SAMD8: variants seen among roughly 807,000 people sequenced by gnomAD.
SAMD8 encodes sphingomyelin synthase-related protein 1.
SAMD8 carries 20 observed loss-of-function variants against 42.0 expected under a neutral mutation model. The observed-to-expected ratio is 0.48, with a 90% CI of 0.34 to 0.69. SAMD8 has a LOEUF of 0.69. Among genes scored for constraint, SAMD8 ranks in the 30% least tolerant of loss-of-function variants. The probability of loss-of-function intolerance (pLI) is 0.01; values close to 1 mark genes in which losing one functional copy is unlikely to be tolerated. For synonymous variants in SAMD8, 162 were observed against 173.0 expected (o/e 0.94, Z 0.50); for missense variants, 328 against 511.6 (o/e 0.64, Z 3.46).
chr10:75,113,196 T>C (rs1848812273), intron 1 of SAMD8, among the ~76,000 whole-genome samples: 1 of 152,198 alleles, frequency 6.6e-6, no homozygotes, highest in African/African-American at 2.4e-5. Flanking sequence ...AGAAAAAGAA[T>C]GATTGCAATA....
chr10:75,105,778 C>A (rs772951962), intron 1 of SAMD8: 5 of 1,551,380 alleles, frequency 3.2e-6, no homozygotes, highest in Admixed American at 2.0e-5. Context: ...CACCGCCTGG[C>A]GCAGGGACAG....
intron 2 of SAMD8, among the ~76,000 whole-genome samples, chr10:75,152,536 GAA>G (rs541773032): frequency 6.9e-5 from 9 of 130,292 alleles, no homozygotes; most frequent in African/African-American, 1.7e-4. Flanking sequence ...AAAAAAAAAA[GAA>G]AAAAAAAAAA....
At chr10:75,108,168 A>T (rs763355981), upstream of SAMD8, 2 of 1,612,200 alleles carry the variant, frequency 1.2e-6, no homozygotes, top group Non-Finnish European at 1.7e-6. Context: ...CACGTGGGTG[A>T]TGCCCAGCTT....
chr10:75,107,035 T>C (rs530997220), upstream of SAMD8, among the ~76,000 whole-genome samples: 1 of 152,284 alleles, frequency 6.6e-6, no homozygotes, highest in Admixed American at 6.5e-5. Context: ...ATTTCTTTTC[T>C]AGTTAAAAGT....
upstream of SAMD8, among the ~76,000 whole-genome samples, chr10:75,110,200 A>C (rs940317781): frequency 6.6e-6 from 1 of 152,198 alleles, no homozygotes; most frequent in Non-Finnish European, 1.5e-5. Context: ...CTTGTATGTC[A>C]AATGGGGAGA....
At chr10:75,147,629 G>C (rs888528766) in intron 1 of SAMD8, among the ~76,000 whole-genome samples, 20 of 152,140 alleles carry the variant, frequency 1.3e-4, no homozygotes, top group African/African-American at 4.6e-4. Context: ...GGCTGGCTTT[G>C]TTTTATGTGA....
intron 4 of SAMD8, 100 bp from the exon 5 acceptor site, chr10:75,175,966 T>G: frequency 6.6e-7 from 1 of 1,524,686 alleles, no homozygotes; most frequent in Non-Finnish European, 8.8e-7. Context: ...TAGATCTTAT[T>G]TCTAAGTTAT....
At chr10:75,148,647 C>A (rs1371585040) in intron 1 of SAMD8, among the ~76,000 whole-genome samples, 1 of 152,164 alleles carries the variant, frequency 6.6e-6, no homozygotes, top group Non-Finnish European at 1.5e-5. Flanking sequence ...GCCACCGCGC[C>A]CGGCCGCAGT....
At chr10:75,124,735 CATGTCTGTCATT>C (rs1849090096) in intron 1 of SAMD8, among the ~76,000 whole-genome samples, 1 of 151,860 alleles carries the variant, frequency 6.6e-6, no homozygotes, top group East Asian at 1.9e-4. Context: ...ATTCTGTCTT[CATGTCTGTCATT>C]ATATTCCATC....
intron 2 of SAMD8, 42 bp from the exon 3 acceptor site, chr10:75,164,603 A>G (rs761986693): frequency 1.8e-5 from 29 of 1,595,604 alleles, no homozygotes; most frequent in Non-Finnish European, 2.4e-5. Context: ...CATCATTCAC[A>G]TGTATACTTC....
chr10:75,135,125 T>C (rs1849361334), intron 1 of SAMD8, among the ~76,000 whole-genome samples: 1 of 152,110 alleles, frequency 6.6e-6, no homozygotes, highest in South Asian at 2.1e-4. Context: ...TAAGTATCTT[T>C]ATTTGATCAT....
At chr10:75,121,780 C>T (rs1849011281) in intron 1 of SAMD8, among the ~76,000 whole-genome samples, 1 of 152,130 alleles carries the variant, frequency 6.6e-6, no homozygotes, top group African/African-American at 2.4e-5. Flanking sequence ...CAACCTCTGC[C>T]TCCCAGGTTC....
chr10:75,108,342 TG>T (rs898476203), upstream of SAMD8: 61 of 1,438,368 alleles, frequency 4.2e-5, 1 homozygote, highest in African/African-American at 8.3e-4. Context: ...AAGCTCCAAG[TG>T]GGGTCTGACT....
intron 2 of SAMD8, among the ~76,000 whole-genome samples, chr10:75,152,206 G>C (rs1209240265): frequency 1.3e-5 from 2 of 151,910 alleles, no homozygotes; most frequent in Non-Finnish European, 2.9e-5. Flanking sequence ...ATAAAAAAAT[G>C]TAGTATATGT....
At chr10:75,169,367 C>A (rs1840787331) in intron 4 of SAMD8, among the ~76,000 whole-genome samples, 1 of 151,016 alleles carries the variant, frequency 6.6e-6, no homozygotes, top group African/African-American at 2.4e-5. Context: ...CGCCTGTAAT[C>A]CCAGCTACTC....
Position 75,177,199 on chromosome 10 carries a change from AG to A in SAMD8, c.*508del, listed in dbSNP as rs1335374269. ...GACATGATCTGTTTTACTGACAAAGAGTTTTTGCCTTCTGAACCATCTTTAA... is the reference window on the plus strand; with the variant it reads ...GACATGATCTGTTTTACTGACAAAGATTTTTGCCTTCTGAACCATCTTTAA... On this transcript the variant is annotated 3_prime_UTR_variant, in exon 6 of 6. Coordinates refer to ENST00000542569, the MANE Select transcript of SAMD8 (RefSeq NM_001174156.2). 6.5e-6 allele frequency: 1 copy of A among 153,550 alleles called. No individual in the cohort carries two copies. The highest frequency in any genetic ancestry group is 2.4e-5 in the African/African-American group (1 of 41,456). The allele number at this position is 153,550 out of a possible 1,614,324, so 9.5% of individuals were successfully genotyped here. A position where few individuals can be genotyped will look rare whatever the true frequency, so the allele number is the denominator to read the frequency against.
chr10:75,148,409 A>C (rs1840199672), intron 1 of SAMD8, among the ~76,000 whole-genome samples: 1 of 134,684 alleles, frequency 7.4e-6, no homozygotes, highest in Admixed American at 8.5e-5. Context: ...GCTGGTGTGC[A>C]ATGGCACAAT....
intron 1 of SAMD8, among the ~76,000 whole-genome samples, chr10:75,112,060 C>T (rs1408974491): frequency 1.3e-5 from 2 of 152,106 alleles, no homozygotes; most frequent in Non-Finnish European, 1.5e-5. Flanking sequence ...AATGTGGACC[C>T]GGAAGAAGAG....
chr10:75,108,897 G>A (rs1848683912), upstream of SAMD8: 3 of 1,390,536 alleles, frequency 2.2e-6, no homozygotes, highest in Non-Finnish European at 2.9e-6. Flanking sequence ...GGCCTGGGAT[G>A]GTCAGAGCAG....
Sources: allele counts gnomAD v4.1 joint callset (sites outside exome capture counted in the v4.1 genomes callset), GRCh38; gene constraint gnomAD v4.1.1; transcripts MANE v1.5; gene names NCBI Gene and HGNC (gene_info 2026-07-23, HGNC 2026-07-21).